Variants in PSME4 observed in about 807,000 individuals in gnomAD.
The protein encoded by PSME4 is proteasome activator complex subunit 4.
PSME4 carries 89 observed loss-of-function variants against 253.9 expected under a neutral mutation model. The ratio of observed to expected loss-of-function variants is 0.35; its 90% CI spans 0.30 to 0.42. The LOEUF (loss-of-function observed/expected upper bound fraction) is 0.42, where lower values mean the gene tolerates loss of function less well. Ranked by LOEUF, PSME4 falls within the 10% of genes least tolerant of loss-of-function variation. The probability of loss-of-function intolerance (pLI) is 1.00; values close to 1 mark genes in which losing one functional copy is unlikely to be tolerated. For missense variants in PSME4, 2,014 were observed against 2,195.2 expected (o/e 0.92, Z 1.65); for synonymous variants, 851 against 759.2 (o/e 1.12, Z -1.99).
chr2:53,945,075 C>A (rs890345330), intron 3 of PSME4, among the ~76,000 whole-genome samples: 1 of 152,114 alleles, frequency 6.6e-6, no homozygotes, highest in Non-Finnish European at 1.5e-5. Flanking sequence ...CCCACAAAAA[C>A]CAAATTAGTG....
rs745404463 is a variant in PSME4, at chr2:53,869,558, T to C, written c.5101-20A>G. 6.1e-6 allele frequency: 9 copies of C among 1,466,090 alleles called. No individual in the cohort carries two copies. In the South Asian group the frequency reaches 1.2e-4, roughly 20 times the overall value. 90.8% of individuals were successfully genotyped at this position (1,466,090 alleles called of 1,614,324 possible). On this transcript the variant is annotated intron_variant, in intron 43 of 46. Transcript: ENST00000404125. ...TCGAACCTGTAGATATAATAATTTC[T>C]ATTAGGACTGACATTCTAAGTCTGA...
intron 41 of PSME4, among the ~76,000 whole-genome samples, chr2:53,877,562 G>A (rs1294983863): frequency 3.3e-5 from 5 of 152,136 alleles, no homozygotes; most frequent in Admixed American, 2.0e-4. Flanking sequence ...TTTATTCAGC[G>A]ACATCAGGGG....
chr2:53,967,362 C>G (rs909006561), intron 1 of PSME4, among the ~76,000 whole-genome samples: 32 of 151,904 alleles, frequency 2.1e-4, no homozygotes, highest in South Asian at 6.2e-4. Context: ...AGAAAAAAGT[C>G]AAAAAGAAGG....
At chr2:53,883,473 T>C (rs1210242460) in intron 41 of PSME4, among the ~76,000 whole-genome samples, 7 of 152,124 alleles carry the variant, frequency 4.6e-5, no homozygotes, top group Admixed American at 3.9e-4. Context: ...GCAGTGAGAC[T>C]GTCTCAGAAA....
chr2:53,891,858 CAAA>C (rs76144333), intron 36 of PSME4, among the ~76,000 whole-genome samples: 5 of 116,854 alleles, frequency 4.3e-5, no homozygotes, highest in African/African-American at 3.2e-5. Flanking sequence ...TAAGACTGTC[CAAA>C]AAAAAAAAAA....
chr2:53,934,571 A>G (rs1669017248), intron 8 of PSME4, 34 bp downstream of exon 8: 4 of 1,584,382 alleles, frequency 2.5e-6, no homozygotes, highest in Admixed American at 3.4e-5. Context: ...AAATAGGCGT[A>G]AACTACAGAA....
intron 26 of PSME4, among the ~76,000 whole-genome samples, chr2:53,906,074 A>C (rs1290281399): frequency 2.6e-5 from 4 of 152,156 alleles, no homozygotes; most frequent in Non-Finnish European, 5.9e-5. Context: ...TAAAGATAGA[A>C]TAATTAGTTG....
intron 41 of PSME4, among the ~76,000 whole-genome samples, chr2:53,883,493 G>A (rs369183843): frequency 1.6e-3 from 243 of 152,244 alleles, no homozygotes; most frequent in African/African-American, 5.4e-3. Context: ...AAAAGCGGTG[G>A]GGGGGTGCGG....
intron 4 of PSME4, 91 bp downstream of exon 4, chr2:53,939,865 T>A: frequency 5.9e-6 from 7 of 1,180,954 alleles, no homozygotes; most frequent in Non-Finnish European, 8.6e-6. Flanking sequence ...AGGAACTATT[T>A]ATACTTTTCA....
At chr2:53,890,956 G>A (rs1679879104) in intron 36 of PSME4, among the ~76,000 whole-genome samples, 1 of 152,134 alleles carries the variant, frequency 6.6e-6, no homozygotes, top group Non-Finnish European at 1.5e-5. Flanking sequence ...GAACCTGGGA[G>A]GCAGAGGTTG....
chr2:53,967,767 T>C (rs971717599), intron 1 of PSME4, among the ~76,000 whole-genome samples: 2 of 146,290 alleles, frequency 1.4e-5, no homozygotes, highest in Non-Finnish European at 3.0e-5. Context: ...AGATTACGGG[T>C]GCACATTTCT....
intron 20 of PSME4, among the ~76,000 whole-genome samples, chr2:53,913,415 C>T (rs1667918317): frequency 6.6e-6 from 1 of 152,112 alleles, no homozygotes; most frequent in Non-Finnish European, 1.5e-5. Context: ...ATATATAATA[C>T]AAATCACATA....
In PSME4 at chr2:53,874,493, G is replaced by A. The variant is rs1305670160; in HGVS notation, c.4946C>T (p.Thr1649Ile). 4.3e-6 allele frequency: 7 copies of A among 1,613,054 alleles called. No individual in the cohort carries two copies. Among genetic ancestry groups the A allele is most frequent in the Non-Finnish European group, 5.9e-6 (7 of 1,179,700 alleles). ...TGCATGCCAAGAACTGCTTCTTGCTGTCTGTGAATGACAAATAAATATAAA... is the reference window on the plus strand; with the variant it reads ...TGCATGCCAAGAACTGCTTCTTGCTATCTGTGAATGACAAATAAATATAAA... ...VPLVLQVLKQ[T>I]ARSSSWHARY... The change falls in exon 43 of 47, where the codon ACA becomes ATA. Residue 1649 changes from threonine to isoleucine, a missense_variant and splice_region_variant. This residue lies in a region of PSME4 where 403 missense variants were observed against 556.1 expected (regional missense o/e 0.72). Coordinates refer to ENST00000404125, the MANE Select transcript of PSME4 (RefSeq NM_014614.3).
At chr2:53,868,175 G>C (rs1244637032) in intron 44 of PSME4, among the ~76,000 whole-genome samples, 2 of 151,848 alleles carry the variant, frequency 1.3e-5, no homozygotes, top group Non-Finnish European at 2.9e-5. Flanking sequence ...AGAGTTCTCA[G>C]GCCAGGTGCT....
At chr2:53,943,348 G>A (rs1439690739) in intron 3 of PSME4, among the ~76,000 whole-genome samples, 2 of 152,040 alleles carry the variant, frequency 1.3e-5, no homozygotes, top group Non-Finnish European at 2.9e-5. Context: ...TCTTAAACCT[G>A]TGCCAGGCAC....
At chr2:53,904,982 C>T (rs1404207798) in intron 26 of PSME4, among the ~76,000 whole-genome samples, 14 of 149,786 alleles carry the variant, frequency 9.3e-5, no homozygotes, top group African/African-American at 2.9e-4. Context: ...AGCGAGACTC[C>T]GTCTCAAACA....
intron 1 of PSME4, among the ~76,000 whole-genome samples, chr2:53,950,754 T>C (rs773253220): frequency 6.6e-6 from 1 of 151,290 alleles, no homozygotes; most frequent in Non-Finnish European, 1.5e-5. Flanking sequence ...GGCAGGAGAA[T>C]TGCTTGAACC....
At position 53,893,693 on chromosome 2, in the gene PSME4, C is replaced by T. The variant is rs755120950; in HGVS notation, c.4019G>A (p.Arg1340Gln). 4.3e-6 allele frequency: 7 copies of T among 1,609,762 alleles called. No individual in the cohort carries two copies. The highest frequency in any genetic ancestry group is 1.7e-5 in the Admixed American group (1 of 59,610). Residue 1340 changes from arginine (R) to glutamine (Q), a missense_variant, in exon 35 of 47, where the codon CGA (arginine) becomes CAA (glutamine). This residue lies in a region of PSME4 where 989 missense variants were observed against 1,021.1 expected (regional missense o/e 0.97). Transcript: ENST00000404125. Reference protein sequence around the residue: ...DRKGKDKFNPRRFCLFKGIFR... With the variant: ...DRKGKDKFNPQRFCLFKGIFR... ...AGTTACCTTAAAGAGGCAAAAACGT[C>T]GTGGATTAAACTTATCTTTTCCTTT...
At chr2:53,970,021 A>G (rs1274009739) in intron 1 of PSME4, among the ~76,000 whole-genome samples, 2 of 152,200 alleles carry the variant, frequency 1.3e-5, no homozygotes, top group African/African-American at 4.8e-5. Context: ...CCCAAAAAGC[A>G]AAACCCTTAA....
Sources: gnomAD v4.1 joint callset for allele counts (sites outside exome capture counted in the v4.1 genomes callset) on GRCh38, gnomAD v4.1.1 for gene constraint, gnomAD v4.1.1 regional missense constraint, MANE v1.5 for transcripts, NCBI Gene and HGNC (gene_info 2026-07-23, HGNC 2026-07-21) for gene names.